The following ADAMTS3 variants were observed in gnomAD, a reference collection of about 807,000 sequenced individuals.
ADAMTS3 encodes the protein A disintegrin and metalloproteinase with thrombospondin motifs 3.
In ADAMTS3, 73 loss-of-function variants were observed where a neutral mutation model predicts 129.0. The observed-to-expected ratio is 0.57, with a 90% CI of 0.47 to 0.69. The LOEUF (loss-of-function observed/expected upper bound fraction) is 0.69. Ranked by LOEUF, ADAMTS3 falls within the 30% of genes least tolerant of loss-of-function variation. ADAMTS3 has a pLI of 0.00. For synonymous variants in ADAMTS3, 477 were observed against 510.8 expected (o/e 0.93, Z 0.89); for missense variants, 1,457 against 1,514.5 (o/e 0.96, Z 0.63).
chr4:72,374,446 T>G (rs1019875975), intron 4 of ADAMTS3, among the ~76,000 whole-genome samples: 8 of 152,194 alleles, frequency 5.3e-5, no homozygotes, highest in Non-Finnish European at 7.3e-5. Context: ...GTACTCGAAT[T>G]ATTATACATG....
At chr4:72,468,282 C>G (rs1410446839) in intron 3 of ADAMTS3, among the ~76,000 whole-genome samples, 1 of 151,954 alleles carries the variant, frequency 6.6e-6, no homozygotes, top group Non-Finnish European at 1.5e-5. Flanking sequence ...GGATATGATG[C>G]CAATGGAATT....
intron 15 of ADAMTS3, among the ~76,000 whole-genome samples, chr4:72,308,056 C>A (rs1016616778): frequency 4.6e-5 from 7 of 151,668 alleles, no homozygotes; most frequent in Non-Finnish European, 7.4e-5. Flanking sequence ...GGAAATAAAA[C>A]AAAATGAATT....
chr4:72,291,156 T>C (rs1718652649), intron 19 of ADAMTS3, 94 bp from the exon 20 acceptor site: 2 of 1,366,000 alleles, frequency 1.5e-6, no homozygotes, highest in South Asian at 2.7e-5. Context: ...GCTCTCTAAG[T>C]GACTTGCAAC....
chr4:72,337,079 A>C (rs1720010845), intron 5 of ADAMTS3, among the ~76,000 whole-genome samples: 1 of 152,184 alleles, frequency 6.6e-6, no homozygotes, highest in South Asian at 2.1e-4. Flanking sequence ...TCTATCTTTC[A>C]GTTGGTCATG....
chr4:72,540,147 T>C (rs1050799183), intron 3 of ADAMTS3, among the ~76,000 whole-genome samples: 8 of 152,152 alleles, frequency 5.3e-5, no homozygotes, highest in African/African-American at 1.7e-4. Context: ...AAAATGCTGA[T>C]AATGATATGG....
chr4:72,429,684 A>C (rs917488133), intron 3 of ADAMTS3, among the ~76,000 whole-genome samples: 1 of 152,056 alleles, frequency 6.6e-6, no homozygotes, highest in Non-Finnish European at 1.5e-5. Flanking sequence ...CTAAAAAGAT[A>C]AGCTAGATTC....
intron 3 of ADAMTS3, among the ~76,000 whole-genome samples, chr4:72,527,120 C>G (rs1720837470): frequency 6.6e-6 from 1 of 152,028 alleles, no homozygotes; most frequent in Admixed American, 6.6e-5. Flanking sequence ...GTATGGTTTT[C>G]TTCTAAAAAT....
chr4:72,429,277 A>G (rs1489976580), intron 3 of ADAMTS3, among the ~76,000 whole-genome samples: 4 of 152,108 alleles, frequency 2.6e-5, no homozygotes, highest in Non-Finnish European at 5.9e-5. Context: ...GAAATACATA[A>G]TAGTCATCTG....
intron 3 of ADAMTS3, among the ~76,000 whole-genome samples, chr4:72,420,040 G>A (rs1722404739): frequency 6.6e-6 from 1 of 151,948 alleles, no homozygotes; most frequent in Non-Finnish European, 1.5e-5. Flanking sequence ...CAGGGGAGTG[G>A]GGAAAGAATT....
At chr4:72,437,825 G>A (rs982055046) in intron 3 of ADAMTS3, among the ~76,000 whole-genome samples, 2 of 151,724 alleles carry the variant, frequency 1.3e-5, no homozygotes, top group Non-Finnish European at 2.9e-5. Context: ...GTCATGTAGT[G>A]TGTCTATTTT....
At chr4:72,424,190 A>C (rs1722516019) in intron 3 of ADAMTS3, among the ~76,000 whole-genome samples, 2 of 152,096 alleles carry the variant, frequency 1.3e-5, no homozygotes, top group South Asian at 4.1e-4. Context: ...TGTTATCTCG[A>C]AAGCATCTCC....
chr4:72,548,430 G>T (rs756810256), intron 3 of ADAMTS3, 48 bp downstream of exon 3: 18 of 1,574,568 alleles, frequency 1.1e-5, no homozygotes, highest in Non-Finnish European at 1.5e-5. Context: ...AGCCATGGCT[G>T]CACTCCCAGC....
intron 3 of ADAMTS3, among the ~76,000 whole-genome samples, chr4:72,434,219 T>C (rs1722765160): frequency 6.6e-6 from 1 of 151,648 alleles, no homozygotes; most frequent in South Asian, 2.1e-4. Context: ...TCCAAATATA[T>C]GGTACCATAA....
intron 4 of ADAMTS3, among the ~76,000 whole-genome samples, chr4:72,392,804 A>T (rs1373618336): frequency 3.3e-5 from 5 of 152,210 alleles, no homozygotes; most frequent in African/African-American, 1.2e-4. Flanking sequence ...GTTAATTCAA[A>T]GATAATTGGA....
At chr4:72,550,607 G>A (rs188296359) in intron 2 of ADAMTS3, among the ~76,000 whole-genome samples, 1 of 152,250 alleles carries the variant, frequency 6.6e-6, no homozygotes, top group Non-Finnish European at 1.5e-5. Context: ...TTCCAAAACT[G>A]GACAGACAGT....
At chr4:72,543,915 T>A (rs1369727609) in intron 3 of ADAMTS3, among the ~76,000 whole-genome samples, 1 of 152,106 alleles carries the variant, frequency 6.6e-6, no homozygotes, top group Non-Finnish European at 1.5e-5. Context: ...GAAGAAAAAG[T>A]AGGCTATTAC....
chr4:72,474,348 C>T (rs994549942), intron 3 of ADAMTS3, among the ~76,000 whole-genome samples: 2 of 151,670 alleles, frequency 1.3e-5, no homozygotes, highest in Non-Finnish European at 2.9e-5. Context: ...GGAGAAAAAA[C>T]AAAGAAATAG....
At chr4:72,320,640 C>CAGACTG in intron 7 of ADAMTS3, 74 bp downstream of exon 7, 1 of 1,485,538 alleles carries the variant, frequency 6.7e-7, no homozygotes, top group Non-Finnish European at 9.2e-7. Context: ...AACATTTGAA[C>CAGACTG]AGACTGCCTG....
At chr4:72,321,317 G>A (rs746681382) in intron 6 of ADAMTS3, among the ~76,000 whole-genome samples, 4 of 151,332 alleles carry the variant, frequency 2.6e-5, no homozygotes, top group Admixed American at 1.3e-4. Flanking sequence ...GATTACAGGC[G>A]CCCACCACCA....
Sources: allele counts gnomAD v4.1 joint callset (sites outside exome capture counted in the v4.1 genomes callset), GRCh38; gene constraint gnomAD v4.1.1; transcripts MANE v1.5; gene names NCBI Gene and HGNC (gene_info 2026-07-23, HGNC 2026-07-21).